The following RIMS2 variants were observed in gnomAD, a reference collection of about 807,000 sequenced individuals.
RIMS2 encodes the protein regulating synaptic membrane exocytosis protein 2.
A neutral mutation model predicts 174.4 loss-of-function variants in RIMS2; 59 were observed. The ratio of observed to expected loss-of-function variants is 0.34; its 90% CI spans 0.27 to 0.42. The LOEUF (loss-of-function observed/expected upper bound fraction) is 0.42, where lower values mean the gene tolerates loss of function less well. Ranked by LOEUF, RIMS2 falls within the 10% of genes least tolerant of loss-of-function variation. The pLI is 1.00. For missense variants in RIMS2, 1,620 were observed against 1,666.3 expected, an observed-to-expected ratio of 0.97 and a Z score of 0.48; for synonymous variants, 606 against 572.5, an observed-to-expected ratio of 1.06 and a Z score of -0.84.
intron 1 of RIMS2, among the ~76,000 whole-genome samples, chr8:103,632,541 C>T (rs2135257316): frequency 6.6e-6 from 1 of 152,050 alleles, no homozygotes; most frequent in East Asian, 1.9e-4. Flanking sequence ...CTGCCTCAGC[C>T]TCCTGAGTAG....
chr8:103,717,709 G>A (rs1475719497), intron 2 of RIMS2, among the ~76,000 whole-genome samples: 1 of 152,088 alleles, frequency 6.6e-6, no homozygotes, highest in Non-Finnish European at 1.5e-5. Flanking sequence ...ACTAAATATT[G>A]ACTACAAGAT....
At chr8:103,599,342 T>G (rs899654948) in intron 1 of RIMS2, among the ~76,000 whole-genome samples, 2 of 150,552 alleles carry the variant, frequency 1.3e-5, no homozygotes, top group Non-Finnish European at 1.5e-5. Flanking sequence ...AGTGATGAAA[T>G]CAGCATACGA....
chr8:103,906,135 T>A (rs1228513891), intron 4 of RIMS2, among the ~76,000 whole-genome samples: 2 of 152,246 alleles, frequency 1.3e-5, no homozygotes, highest in Non-Finnish European at 2.9e-5. Flanking sequence ...AGGACTATTT[T>A]CTATATGAAT....
intron 14 of RIMS2, among the ~76,000 whole-genome samples, chr8:103,947,409 A>C (rs1305666862): frequency 1.3e-5 from 2 of 152,224 alleles, no homozygotes; most frequent in Non-Finnish European, 2.9e-5. Flanking sequence ...TGAACATCAT[A>C]GAGTGCACTT....
At chr8:104,244,776 A>G in intron 19 of RIMS2, 140 bp from the exon 26 acceptor site, 1 of 658,522 alleles carries the variant, frequency 1.5e-6, no homozygotes, top group East Asian at 2.6e-5. Flanking sequence ...TGTTTTAAAT[A>G]CCTTTTCTTT....
chr8:104,208,170 G>T (rs1467505381), intron 19 of RIMS2, among the ~76,000 whole-genome samples: 1 of 151,564 alleles, frequency 6.6e-6, no homozygotes, highest in African/African-American at 2.4e-5. Context: ...CAGAGATATA[G>T]TACATTTCAT....
intron 1 of RIMS2, among the ~76,000 whole-genome samples, chr8:103,502,239 C>G (rs1013024915): frequency 6.6e-6 from 1 of 152,200 alleles, no homozygotes; most frequent in South Asian, 2.1e-4. Context: ...TATTCAGGTA[C>G]ATTTTAAAAG....
intron 3 of RIMS2, among the ~76,000 whole-genome samples, chr8:103,817,343 G>A (rs935630268): frequency 2.6e-5 from 4 of 152,224 alleles, no homozygotes; most frequent in Non-Finnish European, 5.9e-5. Flanking sequence ...GTGTGTGTGT[G>A]TGCATGTGCA....
intron 1 of RIMS2, among the ~76,000 whole-genome samples, chr8:103,678,295 G>A (rs2096839643): frequency 6.6e-6 from 1 of 152,060 alleles, no homozygotes; most frequent in Non-Finnish European, 1.5e-5. Flanking sequence ...TTGAGAACTT[G>A]ACTATGAGCC....
intron 3 of RIMS2, chr8:103,819,437 G>A (rs2154472027): frequency 6.3e-7 from 1 of 1,594,030 alleles, no homozygotes; most frequent in South Asian, 1.1e-5. Context: ...ATTTGATGGT[G>A]TCAGCAAATA....
At chr8:104,093,125 T>C (rs1021541786) in intron 19 of RIMS2, among the ~76,000 whole-genome samples, 92 of 151,994 alleles carry the variant, frequency 6.1e-4, no homozygotes. Context: ...CTAGAATTTA[T>C]TAAAAAATAA....
chr8:104,022,471 C>T (rs940921159), intron 19 of RIMS2, among the ~76,000 whole-genome samples: 1 of 152,076 alleles, frequency 6.6e-6, no homozygotes, highest in Non-Finnish European at 1.5e-5. Context: ...CAACCTCCCC[C>T]TCCCGGCTCA....
At chr8:103,615,826 T>A (rs6468882) in intron 1 of RIMS2, among the ~76,000 whole-genome samples, 27,674 of 152,024 alleles carry the variant, frequency 0.18, 2,752 homozygotes, top group African/African-American at 0.26. Flanking sequence ...AGCCAGGAAG[T>A]AATTGATTCC....
chr8:104,085,686 T>C (rs1365896426), intron 19 of RIMS2, among the ~76,000 whole-genome samples: 1 of 152,184 alleles, frequency 6.6e-6, no homozygotes, highest in East Asian at 1.9e-4. Flanking sequence ...TTGTTTCCAT[T>C]AAATGACTAA....
chr8:104,056,055 A>G (rs564218118), intron 19 of RIMS2, among the ~76,000 whole-genome samples: 3 of 152,290 alleles, frequency 2.0e-5, no homozygotes, highest in East Asian at 3.9e-4. Flanking sequence ...CATTATATTA[A>G]TGAAATAAAT....
At chr8:103,823,543 G>A (rs1464689949) in intron 3 of RIMS2, among the ~76,000 whole-genome samples, 1 of 151,914 alleles carries the variant, frequency 6.6e-6, no homozygotes, top group Non-Finnish European at 1.5e-5. Flanking sequence ...TTGAAACATT[G>A]CCACTGTTCT....
intron 19 of RIMS2, among the ~76,000 whole-genome samples, chr8:104,154,299 A>G (rs2098708195): frequency 1.3e-5 from 2 of 152,174 alleles, no homozygotes; most frequent in African/African-American, 4.8e-5. Flanking sequence ...TACAGTCTAG[A>G]ATAGCACTGT....
chr8:103,572,182 C>T (rs1302112953), intron 1 of RIMS2, among the ~76,000 whole-genome samples: 1 of 152,126 alleles, frequency 6.6e-6, no homozygotes, highest in Non-Finnish European at 1.5e-5. Flanking sequence ...ACCTTCTTAG[C>T]AAGTGTTACA....
chr8:103,934,887 C>T (rs974270778), intron 12 of RIMS2, among the ~76,000 whole-genome samples: 3 of 151,922 alleles, frequency 2.0e-5, no homozygotes, highest in Non-Finnish European at 4.4e-5. Context: ...TTGGTAGAGA[C>T]GGGGTTTCAC....
Sources: allele counts gnomAD v4.1 joint callset (sites outside exome capture counted in the v4.1 genomes callset), GRCh38; gene constraint gnomAD v4.1.1; transcripts MANE v1.5; gene names NCBI Gene and HGNC (gene_info 2026-07-23, HGNC 2026-07-21).